Variants in CCDC15 observed in about 807,000 individuals in gnomAD.
CCDC15 encodes the protein coiled-coil domain-containing protein 15.
In CCDC15, 105 loss-of-function variants were observed where a neutral mutation model predicts 114.5. That is an observed-to-expected ratio of 0.92 (90% confidence interval 0.78 to 1.08). The LOEUF (loss-of-function observed/expected upper bound fraction) is 1.08, where lower values mean the gene tolerates loss of function less well. CCDC15 is among the 50% of genes least tolerant of loss of function. CCDC15 has a pLI of 0.00. For synonymous variants in CCDC15, 334 were observed against 377.8 expected (o/e 0.88, Z 1.34); for missense variants, 1,105 against 1,093.6 (o/e 1.01, Z -0.15).
chr11:124,966,876 G>A (rs1387560457), intron 4 of CCDC15, among the ~76,000 whole-genome samples: 4 of 152,142 alleles, frequency 2.6e-5, no homozygotes, highest in Non-Finnish European at 4.4e-5. Context: ...CTCTGTAAAG[G>A]ATTTTATTTC....
chr11:125,000,957 A>G (rs1341902535), intron 11 of CCDC15, among the ~76,000 whole-genome samples: 1 of 152,174 alleles, frequency 6.6e-6, no homozygotes, highest in Non-Finnish European at 1.5e-5. Context: ...CACCTTATTT[A>G]ATATATATGA....
At chr11:125,011,848 C>T (rs746088912) in intron 13 of CCDC15, among the ~76,000 whole-genome samples, 2 of 152,164 alleles carry the variant, frequency 1.3e-5, no homozygotes, top group Non-Finnish European at 2.9e-5. Context: ...ACTAGAAGGT[C>T]GGACTCAAAT....
At chr11:124,998,137 A>C (rs1283922287) in intron 11 of CCDC15, among the ~76,000 whole-genome samples, 1 of 152,200 alleles carries the variant, frequency 6.6e-6, no homozygotes, top group Non-Finnish European at 1.5e-5. Flanking sequence ...AAAGTGCTAA[A>C]GGTGCAGTGT....
At chr11:125,014,273 T>C (rs1357176391) in intron 13 of CCDC15, among the ~76,000 whole-genome samples, 1 of 152,194 alleles carries the variant, frequency 6.6e-6, no homozygotes, top group Non-Finnish European at 1.5e-5. Context: ...CTGTGTACTT[T>C]CTGCCTAGCT....
At chr11:124,992,265 A>G (rs997103984) in intron 9 of CCDC15, among the ~76,000 whole-genome samples, 7 of 152,192 alleles carry the variant, frequency 4.6e-5, no homozygotes, top group African/African-American at 1.7e-4. Context: ...TTTTAATTTA[A>G]CAAGATTATT....
At chr11:124,956,570 A>C (rs1021621270) in intron 2 of CCDC15, among the ~76,000 whole-genome samples, 2 of 152,254 alleles carry the variant, frequency 1.3e-5, no homozygotes, top group African/African-American at 4.8e-5. Flanking sequence ...CTCAAATTAC[A>C]TCTGTATAAT....
At chr11:125,038,653 T>A (rs1948793706) in intron 14 of CCDC15, 49 bp downstream of exon 14, 5 of 1,391,926 alleles carry the variant, frequency 3.6e-6, no homozygotes, top group Non-Finnish European at 3.8e-6. Context: ...AGAGACTTGG[T>A]AGAACTCATT....
intron 8 of CCDC15, among the ~76,000 whole-genome samples, chr11:124,989,313 A>C (rs1948230647): frequency 6.6e-6 from 1 of 152,204 alleles, no homozygotes; most frequent in African/African-American, 2.4e-5. Flanking sequence ...CTCAACAGTA[A>C]GTGTAAAATA....
intron 13 of CCDC15, among the ~76,000 whole-genome samples, chr11:125,024,661 G>A (rs1302447652): frequency 6.6e-6 from 1 of 151,970 alleles, no homozygotes; most frequent in Non-Finnish European, 1.5e-5. Flanking sequence ...CCTGTTCCCT[G>A]CAACCTTGCT....
Position 125,003,911 on chromosome 11 carries a change from T to C in CCDC15, c.2259T>C (p.Ala753=), listed in dbSNP as rs983701582. The change falls in exon 12 of 16, where the codon GCT becomes GCC. Residue 753 remains alanine (A), a synonymous_variant. Coordinates refer to ENST00000344762, the MANE Select transcript of CCDC15 (RefSeq NM_025004.3). ...YQSGLSTEFQ[A]PLAFQSDVDK... ...CAGGATTGAGCACTGAATTCCAAGC[T>C]CCACTGGCATTTCAGTCTGACGTGG... is the stretch of plus-strand genomic sequence containing the variant. The C allele has an allele frequency of 2.6e-6, 4 of 1,566,920 alleles. No homozygotes were observed. The highest frequency in any genetic ancestry group is 3.4e-6 in the Non-Finnish European group (4 of 1,162,682).
intron 8 of CCDC15, among the ~76,000 whole-genome samples, chr11:124,990,492 TG>T (rs1948249036): frequency 6.6e-6 from 1 of 152,204 alleles, no homozygotes; most frequent in South Asian, 2.1e-4. Flanking sequence ...ACCTTCAGTT[TG>T]TAAAAAACAC....
rs58522860 is a variant in CCDC15 at position 125,026,638 on chromosome 11, G to A, written c.2412-11793G>A. Among the ~76,000 whole-genome samples, 23 of 152,212 alleles carry A rather than the reference G, an allele frequency of 1.5e-4. No homozygotes were observed. The East Asian group carries it at 3.9e-3, about 26-fold the overall frequency. ...CTATTTGGCTATCTTGCCCTGCTTC[G>A]TCCAAATCTGAAATTCTGTTAACTG... On this transcript the variant is annotated intron_variant, in intron 13 of 15. Coordinates refer to ENST00000344762, the MANE Select transcript of CCDC15 (RefSeq NM_025004.3).
intron 13 of CCDC15, among the ~76,000 whole-genome samples, chr11:125,006,878 G>A (rs1948555985): frequency 6.6e-6 from 1 of 152,036 alleles, no homozygotes; most frequent in Admixed American, 6.6e-5. Context: ...CTGTTCCATT[G>A]ATCTATTTGT....
chr11:125,038,644 G>A (rs1466640857), intron 14 of CCDC15, 40 bp downstream of exon 14: 1 of 1,454,574 alleles, frequency 6.9e-7, no homozygotes, highest in South Asian at 1.4e-5. Flanking sequence ...GGCTCTAGAA[G>A]AGACTTGGTA....
At chr11:124,975,722 CA>C (rs1452801421) in intron 5 of CCDC15, among the ~76,000 whole-genome samples, 1 of 152,042 alleles carries the variant, frequency 6.6e-6, no homozygotes, top group Non-Finnish European at 1.5e-5. Flanking sequence ...TGTGCATAGA[CA>C]AAAGCCTAGG....
At chr11:124,964,380 C>A (rs1947729483) in intron 4 of CCDC15, among the ~76,000 whole-genome samples, 1 of 152,070 alleles carries the variant, frequency 6.6e-6, no homozygotes, top group Admixed American at 6.5e-5. Flanking sequence ...AAGTTGGATT[C>A]CTAGGTATTT....
rs6590113 is a variant in CCDC15, at chr11:124,992,618, A to G, written c.2070A>G (p.Glu690=). ...TTATGAGAGAAGAAAGAGTGAGAGAAGAATTGCCTCTGGACTATCATCAAT... is the reference window on the plus strand; with the variant it reads ...TTATGAGAGAAGAAAGAGTGAGAGAGGAATTGCCTCTGGACTATCATCAAT... The part of the protein sequence containing the change: ...ASFMREERVR[E]ELPLDYHQYV... The change falls in exon 10 of 16, where the codon GAA becomes GAG. Residue 690 remains glutamate, a synonymous_variant. Transcript: ENST00000344762. 0.21 allele frequency: 335,221 copies of G among 1,594,302 alleles called. 39,007 individuals carry two copies. Among genetic ancestry groups the G allele is most frequent in the African/African-American group, 0.45 (33,230 of 74,450 alleles).
At position 124,975,076 on chromosome 11, in the gene CCDC15, C is replaced by T. The variant is rs1947951108; in HGVS notation, c.517-20C>T. ...AACTTATCCTGCTTTTGTTTGCTTT[C>T]TTCCCCCTTTCCCTGGCAGCTTAGT... On this transcript the variant is annotated intron_variant, in intron 4 of 15. Transcript: ENST00000344762. 2.0e-6 allele frequency: 3 copies of T among 1,490,562 alleles called. No homozygotes were observed. The highest frequency in any genetic ancestry group is 1.7e-4 in the Middle Eastern group (1 of 5,736). The allele number at this position is 1,490,562 out of a possible 1,614,324, so 92.3% of individuals were successfully genotyped here.
intron 13 of CCDC15, among the ~76,000 whole-genome samples, chr11:125,023,791 A>G (rs997958061): frequency 1.3e-5 from 2 of 152,054 alleles, no homozygotes; most frequent in African/African-American, 4.8e-5. Context: ...TGTACAAAGG[A>G]ATGCGGGCAA....
Sources: allele counts gnomAD v4.1 joint callset (sites outside exome capture counted in the v4.1 genomes callset), GRCh38; gene constraint gnomAD v4.1.1; transcripts MANE v1.5; gene names NCBI Gene and HGNC (gene_info 2026-07-23, HGNC 2026-07-21).